The following DHX34 variants were observed in gnomAD, a reference collection of about 807,000 sequenced individuals.
The protein encoded by DHX34 is probable ATP-dependent RNA helicase DHX34.
A neutral mutation model predicts 111.1 loss-of-function variants in DHX34; 96 were observed. The observed-to-expected ratio is 0.86, with a 90% CI of 0.73 to 1.02. The LOEUF (loss-of-function observed/expected upper bound fraction) is 1.02. DHX34 is among the 50% of genes least tolerant of loss of function. The pLI is 0.00. For synonymous variants in DHX34, 688 were observed against 670.4 expected (o/e 1.03, Z -0.41); for missense variants, 1,560 against 1,579.9 (o/e 0.99, Z 0.21).
chr19:47,353,328 TA>T lies in DHX34; in HGVS notation c.299del (p.Tyr100SerfsTer76). 3 of 1,614,114 alleles carry T rather than the reference TA, an allele frequency of 1.9e-6. No homozygotes were observed. In the East Asian group the frequency reaches 6.7e-5, roughly 36 times the overall value. Reference sequence around the variant, plus strand: ...AGCGCTGGCCGACCTACCTCGCACTTACGACCCACGTTACCGCATCAACCTC... The same window carrying T: ...AGCGCTGGCCGACCTACCTCGCACTTCGACCCACGTTACCGCATCAACCTC... ...IPALADLPRT[Y>X]DPRYRINLSV... On this transcript the variant is annotated frameshift_variant, in exon 2 of 17. Coordinates refer to ENST00000328771, the MANE Select transcript of DHX34 (RefSeq NM_014681.6). LOFTEE classifies it high-confidence loss of function. This position sits in a 1 kb window ranked among gnomAD's most constrained non-coding sequence, Gnocchi z 4.6.
chr19:47,381,964 C>T lies in DHX34; in HGVS notation c.3299-16C>T. The T allele has an allele frequency of 6.2e-7, 1 of 1,614,010 alleles. No individual in the cohort carries two copies. The highest frequency in any genetic ancestry group is 8.5e-7 in the Non-Finnish European group (1 of 1,179,954). ...TGGAACACGCCCCTCACAGCCTCCT[C>T]CTTTTCCTCCCTTAGGGGCTGAGGA... is the stretch of plus-strand genomic sequence containing the variant. On this transcript the variant is annotated splice_polypyrimidine_tract_variant and intron_variant, in intron 16 of 16. Coordinates refer to ENST00000328771, the MANE Select transcript of DHX34 (RefSeq NM_014681.6).
In DHX34 at chr19:47,368,849, G is replaced by A. The variant is rs1203168914; in HGVS notation, c.1768+1694G>A. Among the ~76,000 whole-genome samples the A allele has an allele frequency of 2.0e-5, 3 of 151,580 alleles. No homozygotes were observed. The East Asian group carries it at 5.8e-4, about 29-fold the overall frequency. ...CTGCCTCAGCCTCCTGAGTAGCTGA[G>A]ACTGTAGGTGCCCGCCATCATACCT... On this transcript the variant is annotated intron_variant, in intron 7 of 16. Transcript: ENST00000328771.
At chr19:47,358,654 G>A (rs542318964) in intron 4 of DHX34, among the ~76,000 whole-genome samples, 94 of 151,942 alleles carry the variant, frequency 6.2e-4, no homozygotes, top group African/African-American at 1.7e-3. Context: ...TCACTCTGTC[G>A]TCCAGGCTGG....
At chr19:47,365,229 GTTAT>G (rs369713446) in intron 6 of DHX34, among the ~76,000 whole-genome samples, 55,944 of 144,944 alleles carry the variant, frequency 0.39, 12,270 homozygotes, top group African/African-American at 0.64. Context: ...TAATGTAAAG[GTTAT>G]TTATTTATTT....
chr19:47,376,570 G>A lies in DHX34; in HGVS notation c.2599+10G>A. On this transcript the variant is annotated intron_variant, in intron 12 of 16. Transcript: ENST00000328771. ...TGCGACGGAAGCCGAGGTACAGTGA[G>A]CCCAGGCGGAAGGAACCCCCATCCG... 6.4e-7 allele frequency: 1 copy of A among 1,551,940 alleles called. No individual in the cohort carries two copies. Among genetic ancestry groups the A allele is most frequent in the Non-Finnish European group, 8.7e-7 (1 of 1,148,426 alleles).
Position 47,380,932 on chromosome 19 carries a change from C to G in DHX34, c.3099C>G (p.Ser1033=), listed in dbSNP as rs1970333973. The G allele has an allele frequency of 3.1e-6, 5 of 1,608,872 alleles. No individual in the cohort carries two copies. In the African/African-American group the frequency reaches 4.0e-5, roughly 13 times the overall value. ...LPGLFGSSTL[S]PHPTKGGYAV... ...GCCTCTTTGGCAGCTCCACCCTGTC[C>G]CCCCACCCCACAAAGGGGGGCTACG... Residue 1033 remains serine (S), a synonymous_variant, in exon 15 of 17, where the codon TCC becomes TCG. Coordinates refer to ENST00000328771, the MANE Select transcript of DHX34 (RefSeq NM_014681.6).
In DHX34 at chr19:47,353,536, AC is replaced by A. The variant is rs1252284615; in HGVS notation, c.508del (p.Arg170AlafsTer6). 1 of 1,613,604 alleles carries A rather than the reference AC, an allele frequency of 6.2e-7. No individual in the cohort carries two copies. The stretch of plus-strand genomic sequence containing the variant: ...GCCCTCCCCATCGCCCAGTATGGGA[AC>A]CGCATCCTGCAGACGCTGAAGGAGC... ...RAALPIAQYG[N>X]RILQTLKEHQ... is the part of the protein sequence containing the mutation. On this transcript the variant is annotated frameshift_variant, in exon 2 of 17. Coordinates refer to ENST00000328771, the MANE Select transcript of DHX34 (RefSeq NM_014681.6). LOFTEE classifies it high-confidence loss of function. The surrounding 1 kb of genome is among the most constrained non-coding windows in gnomAD (Gnocchi z 4.6).
intron 3 of DHX34, among the ~76,000 whole-genome samples, chr19:47,357,267 CATTGTAAGTATATAGCTTA>C (rs1969485374): frequency 6.6e-6 from 1 of 152,178 alleles, no homozygotes; most frequent in Non-Finnish European, 1.5e-5. Context: ...ATAATGCATG[CATTGTAAGTATATAGCTTA>C]ATTAGTTTTC....
intron 7 of DHX34, among the ~76,000 whole-genome samples, chr19:47,370,044 G>T (rs2547385): frequency 0.09 from 13,695 of 152,132 alleles, 797 homozygotes; most frequent in African/African-American, 0.16. Flanking sequence ...TGACCCTGTC[G>T]TTCTTGTGTG....
In DHX34 at chr19:47,382,259, ATAAAGCCTCACATGCTGATACACACTGT is replaced by A; in HGVS notation, c.*149_*176del. On this transcript the variant is annotated 3_prime_UTR_variant, in exon 17 of 17. Coordinates refer to ENST00000328771, the MANE Select transcript of DHX34 (RefSeq NM_014681.6). Reference sequence around the variant, plus strand: ...AGAGGGCCTGGAGCACGGATTGTGAATAAAGCCTCACATGCTGATACACACTGTTAGGCCTGCACCTGCCCATCCAGAA... The same window carrying A: ...AGAGGGCCTGGAGCACGGATTGTGAATAGGCCTGCACCTGCCCATCCAGAA... 1 of 1,389,946 alleles carries A rather than the reference ATAAAGCCTCACATGCTGATACACACTGT, an allele frequency of 7.2e-7. No homozygotes were observed. The highest frequency in any genetic ancestry group is 1.5e-5 in the South Asian group (1 of 67,032). 86.1% of individuals were successfully genotyped at this position (1,389,946 alleles called of 1,614,324 possible).
In DHX34 at chr19:47,380,832, G is replaced by A. The variant is rs142828801; in HGVS notation, c.2999G>A (p.Arg1000Gln). ...CTTCCTTAGATTCCTTACAGCCTCC[G>A]GCGGCTCACAGGGCTAGAAGTCCAG... ...FTASKIPYSL[R>Q]RLTGLEVQNM... The change falls in exon 15 of 17, where the codon CGG becomes CAG. Residue 1000 changes from arginine (R) to glutamine (Q), a missense_variant. By Grantham distance (43) the Arg-to-Gln change is conservative. Transcript: ENST00000328771. 6,542 of 1,613,804 alleles carry A rather than the reference G, an allele frequency of 4.1e-3. 18 individuals carry two copies. The highest frequency in any genetic ancestry group is 5.2e-3 in the Non-Finnish European group (6,121 of 1,179,868).
intron 1 of DHX34, 96 bp from the exon 2 acceptor site, chr19:47,352,656 CAG>C (rs1599749946): frequency 1.5e-5 from 3 of 196,028 alleles, no homozygotes; most frequent in East Asian, 2.6e-4. Flanking sequence ...GCCTGGGAAA[CAG>C]AGTGAGACCC....
Position 47,353,322 on chromosome 19 carries a change from C to T in DHX34, c.292C>T (p.Arg98Cys), listed in dbSNP as rs780336472. 23 of 1,614,192 alleles carry T rather than the reference C, an allele frequency of 1.4e-5. No homozygotes were observed. In the East Asian group the frequency reaches 2.2e-4, roughly 16 times the overall value. The stretch of plus-strand genomic sequence containing the variant: ...CATCCCAGCGCTGGCCGACCTACCT[C>T]GCACTTACGACCCACGTTACCGCAT... The part of the protein sequence containing the change: ...HSIPALADLP[R>C]TYDPRYRINL... Residue 98 changes from arginine to cysteine, a missense_variant, in exon 2 of 17, where the codon CGC becomes TGC. Arg to Cys is a radical substitution (Grantham distance 180). Coordinates refer to ENST00000328771, the MANE Select transcript of DHX34 (RefSeq NM_014681.6). This position sits in a 1 kb window ranked among gnomAD's most constrained non-coding sequence, Gnocchi z 4.6.
intron 6 of DHX34, 31 bp from the exon 7 acceptor site, chr19:47,366,950 C>T: frequency 6.6e-7 from 1 of 1,522,858 alleles, no homozygotes; most frequent in Non-Finnish European, 8.8e-7. Context: ...CTTGTGTTCC[C>T]CAATCTTGGG....
intron 5 of DHX34, among the ~76,000 whole-genome samples, chr19:47,360,495 C>G (rs908723257): frequency 1.3e-5 from 2 of 152,146 alleles, no homozygotes; most frequent in African/African-American, 2.4e-5. Context: ...TTGTACTGTT[C>G]TCTCTGCCGA....
chr19:47,362,708 GA>G lies in DHX34; in HGVS notation c.1593+18del, dbSNP rs764020714. 6.2e-7 allele frequency: 1 copy of G among 1,601,094 alleles called. No individual in the cohort carries two copies. Among genetic ancestry groups the G allele is most frequent in the East Asian group, 2.3e-5 (1 of 44,332 alleles). ...TGGTGCTGCAGGTGAGGCATGGGCA[GA>G]AAGGGGACTATATCCTAACTGCTGG... On this transcript the variant is annotated intron_variant, in intron 6 of 16. Coordinates refer to ENST00000328771, the MANE Select transcript of DHX34 (RefSeq NM_014681.6).
intron 3 of DHX34, among the ~76,000 whole-genome samples, chr19:47,357,045 C>T (rs1311551534): frequency 6.6e-6 from 1 of 151,954 alleles, no homozygotes; most frequent in Admixed American, 6.6e-5. Context: ...TCTGCCTGGT[C>T]ACGCATACCT....
intron 8 of DHX34, among the ~76,000 whole-genome samples, chr19:47,373,309 G>A (rs1970029089): frequency 6.6e-6 from 1 of 152,216 alleles, no homozygotes. Context: ...CTGCCCTCCC[G>A]GGGTTCACAG....
chr19:47,372,719 C>T lies in DHX34; in HGVS notation c.1769-11C>T, dbSNP rs200622073. The stretch of plus-strand genomic sequence containing the variant: ...CACCCAGGAGCCTCAACCCCGTGTC[C>T]GCCGCTGCAGGGAAGATGCTGATCC... On this transcript the variant is annotated splice_polypyrimidine_tract_variant and intron_variant, in intron 7 of 16. Coordinates refer to ENST00000328771, the MANE Select transcript of DHX34 (RefSeq NM_014681.6). 48 of 1,569,866 alleles carry T rather than the reference C, an allele frequency of 3.1e-5. No individual in the cohort carries two copies. The East Asian group carries it at 4.6e-4, about 15-fold the overall frequency.
Sources: gnomAD v4.1 joint callset for allele counts (sites outside exome capture counted in the v4.1 genomes callset) on GRCh38, gnomAD v4.1.1 for gene constraint, Gnocchi (gnomAD v3.1) non-coding constraint, MANE v1.5 for transcripts, NCBI Gene and HGNC (gene_info 2026-07-23, HGNC 2026-07-21) for gene names.